Variants in RGS3 observed in about 807,000 individuals in gnomAD.
RGS3 encodes the protein regulator of G-protein signalling 3.
RGS3 carries 80 observed loss-of-function variants against 132.6 expected under a neutral mutation model. The observed-to-expected ratio is 0.60, with a 90% CI of 0.50 to 0.73. The LOEUF is 0.73. RGS3 is among the 30% of genes least tolerant of loss of function. The pLI is 0.00. For synonymous variants in RGS3, 598 were observed against 620.6 expected (o/e 0.96, Z 0.54); for missense variants, 1,382 against 1,530.8 (o/e 0.90, Z 1.62).
At chr9:113,593,710 A>G (rs1272181437) in intron 21 of RGS3, 7 of 592,192 alleles carry the variant, frequency 1.2e-5, no homozygotes, top group Non-Finnish European at 2.1e-5. Flanking sequence ...AACATGAGCA[A>G]GAGGCATTTA....
exon 15 of RGS3, chr9:113,514,490 A>G: frequency 9.9e-6 from 16 of 1,614,178 alleles, no homozygotes; most frequent in Non-Finnish European, 1.2e-5. Context: ...GAAGTCCTAC[A>G]CAGGCCTGGG....
chr9:113,569,578 T>TTCCTTCC (rs1834175430), intron 19 of RGS3, among the ~76,000 whole-genome samples: 3 of 88,956 alleles, frequency 3.4e-5, no homozygotes, highest in Non-Finnish European at 2.2e-5. Flanking sequence ...TCTTTCCTTC[T>TTCCTTCC]TTCCTTCCTT....
At position 113,591,662 on chromosome 9, in the gene RGS3, T is replaced by C; in HGVS notation, c.3080+265T>C. The C allele has an allele frequency of 8.8e-6, 4 of 456,448 alleles. No individual in the cohort carries two copies. The East Asian group carries it at 1.1e-4, about 13-fold the overall frequency. 28.3% of individuals were successfully genotyped at this position (456,448 alleles called of 1,614,324 possible). ...AGTGAACCAGAAGCAACCAGCCCGT[T>C]TGCCCTGGCTTTAGCCCAGCTTCTG... On this transcript the variant is annotated intron_variant, in intron 21 of 24. Coordinates refer to ENST00000350696, the Ensembl canonical transcript of RGS3. This position sits in a 1 kb window ranked among gnomAD's most constrained non-coding sequence, Gnocchi z 4.4.
intron 1 of RGS3, among the ~76,000 whole-genome samples, chr9:113,447,333 A>ATATATATATATATATATATATATG (rs1829131650): frequency 1.4e-5 from 1 of 72,942 alleles, no homozygotes; most frequent in Admixed American, 1.4e-4. Context: ...GTATATGTAT[A>ATATATATATATATATATATATATG]TATATATATA....
At chr9:113,551,017 A>C (rs112481585) in intron 19 of RGS3, among the ~76,000 whole-genome samples, 3,767 of 152,366 alleles carry the variant, frequency 0.025, 68 homozygotes, top group Admixed American at 0.037. Context: ...TACACAATTC[A>C]GTAATTTTTA....
intron 20 of RGS3, chr9:113,589,279 A>G (rs1835287699): frequency 6.6e-6 from 1 of 152,288 alleles, no homozygotes; most frequent in African/African-American, 2.4e-5. Flanking sequence ...CAGAGGCCAA[A>G]GCCTCCCTGC....
chr9:113,501,777 G>A (rs1380461362), intron 10 of RGS3: 21 of 894,182 alleles, frequency 2.3e-5, no homozygotes, highest in Non-Finnish European at 3.7e-5. Flanking sequence ...GAGGAGGATA[G>A]AGACAGGAGC....
At chr9:113,560,804 G>A (rs985037752) in intron 19 of RGS3, among the ~76,000 whole-genome samples, 2 of 152,174 alleles carry the variant, frequency 1.3e-5, no homozygotes, top group African/African-American at 4.8e-5. Flanking sequence ...CTTCCATAGA[G>A]TTTCAAAGAG....
chr9:113,484,192 C>A, exon 6 of RGS3: 1 of 1,613,160 alleles, frequency 6.2e-7, no homozygotes, highest in Non-Finnish European at 8.5e-7. Context: ...GCAGACCGTT[C>A]CAGACTGCAG....
chr9:113,516,337 C>T (rs1831659843), intron 15 of RGS3, among the ~76,000 whole-genome samples: 1 of 151,876 alleles, frequency 6.6e-6, no homozygotes, highest in Non-Finnish European at 1.5e-5. Context: ...TTGGCATCTA[C>T]AATGTCTAAT....
chr9:113,585,406 G>A (rs776985254), intron 20 of RGS3, among the ~76,000 whole-genome samples: 10 of 152,210 alleles, frequency 6.6e-5, no homozygotes, highest in South Asian at 4.1e-4. Flanking sequence ...CTTGAGAGGC[G>A]GCCCTCAGGG....
intron 18 of RGS3, chr9:113,536,590 C>G: frequency 7.2e-7 from 1 of 1,395,622 alleles, no homozygotes; most frequent in Non-Finnish European, 9.3e-7. Context: ...GCCCACAGCT[C>G]GCCAGCTGGC....
At chr9:113,458,707 C>G (rs556318741), upstream of RGS3, among the ~76,000 whole-genome samples, 1 of 152,212 alleles carries the variant, frequency 6.6e-6, no homozygotes, top group Non-Finnish European at 1.5e-5. Context: ...GAATGTTGGC[C>G]TAGTTTCGCC....
chr9:113,580,193 A>G (rs369156257), intron 19 of RGS3, among the ~76,000 whole-genome samples: 1 of 152,192 alleles, frequency 6.6e-6, no homozygotes, highest in South Asian at 2.1e-4. Flanking sequence ...CTGATGTGGG[A>G]TGCACCCAGG....
intron 20 of RGS3, among the ~76,000 whole-genome samples, chr9:113,587,265 G>T (rs932775713): frequency 6.6e-6 from 1 of 152,176 alleles, no homozygotes. Context: ...ACAGTGGCAG[G>T]TTCCCCCATG....
intron 4 of RGS3, 99 bp downstream of exon 2, chr9:113,479,640 C>A: frequency 9.6e-7 from 1 of 1,043,148 alleles, no homozygotes. Context: ...TGGGCCAAGG[C>A]TTCTTTTCTC....
intron 19 of RGS3, among the ~76,000 whole-genome samples, chr9:113,555,569 C>T (rs558636104): frequency 2.0e-5 from 3 of 151,956 alleles, no homozygotes; most frequent in African/African-American, 4.8e-5. Context: ...CAGGTTCAAG[C>T]GATTCTCCTA....
intron 10 of RGS3, among the ~76,000 whole-genome samples, chr9:113,501,086 A>G (rs1275391613): frequency 6.6e-6 from 1 of 152,108 alleles, no homozygotes; most frequent in Non-Finnish European, 1.5e-5. Flanking sequence ...TGTGAGTGCA[A>G]ACCCCCCCAA....
intron 19 of RGS3, chr9:113,541,828 G>A (rs1368013732): frequency 3.0e-6 from 3 of 991,540 alleles, no homozygotes; most frequent in South Asian, 4.6e-5. Context: ...GGACATCTCC[G>A]CCCATCCACT....
Sources: gnomAD v4.1 joint callset for allele counts (sites outside exome capture counted in the v4.1 genomes callset) on GRCh38, gnomAD v4.1.1 for gene constraint, Gnocchi (gnomAD v3.1) non-coding constraint, MANE v1.5 for transcripts, NCBI Gene and HGNC (gene_info 2026-07-23, HGNC 2026-07-21) for gene names.